SGCZ: variants seen among roughly 807,000 people sequenced by gnomAD.
SGCZ encodes sarcoglycan zeta, also known as zeta-sarcoglycan.
Under a neutral mutation model 41.3 loss-of-function variants are expected in SGCZ, and 40 were observed. The ratio of observed to expected loss-of-function variants is 0.97; its 90% confidence interval spans 0.75 to 1.26. The LOEUF (loss-of-function observed/expected upper bound fraction) is 1.26. Ranked by LOEUF, SGCZ falls within the 50% of genes most tolerant of loss-of-function variation. The probability of loss-of-function intolerance (pLI) is 0.00; values close to 1 mark genes in which losing one functional copy is unlikely to be tolerated. For synonymous variants in SGCZ, 206 were observed against 137.5 expected, an observed-to-expected ratio of 1.50 and a Z score of -3.49; for missense variants, 552 against 369.8, an observed-to-expected ratio of 1.49 and a Z score of -4.04.
chr8:14,890,634 G>A (rs1410783372), intron 1 of SGCZ, among the ~76,000 whole-genome samples: 1 of 152,210 alleles, frequency 6.6e-6, no homozygotes, highest in African/African-American at 2.4e-5. Context: ...ACTGCAGTAA[G>A]CTATCCAGAA....
chr8:14,899,902 C>A (rs774100677), intron 1 of SGCZ, among the ~76,000 whole-genome samples: 1 of 150,892 alleles, frequency 6.6e-6, no homozygotes, highest in Non-Finnish European at 1.5e-5. Flanking sequence ...AAACATTGTA[C>A]CAACAGCTAA....
intron 1 of SGCZ, among the ~76,000 whole-genome samples, chr8:14,866,594 G>C (rs559169777): frequency 6.6e-6 from 1 of 152,016 alleles, no homozygotes; most frequent in Non-Finnish European, 1.5e-5. Context: ...TAGATCGCTT[G>C]AGTCCAGGAG....
chr8:14,465,102 G>A (rs1801012481), intron 2 of SGCZ, among the ~76,000 whole-genome samples: 1 of 151,496 alleles, frequency 6.6e-6, no homozygotes, highest in Non-Finnish European at 1.5e-5. Context: ...CCAGTTTATT[G>A]CATTGTTCAT....
intron 1 of SGCZ, among the ~76,000 whole-genome samples, chr8:14,682,287 T>G (rs1446939667): frequency 6.6e-6 from 1 of 152,206 alleles, no homozygotes; most frequent in Non-Finnish European, 1.5e-5. Context: ...AATATAAGAT[T>G]ATACTTTGAG....
intron 2 of SGCZ, among the ~76,000 whole-genome samples, chr8:14,499,303 G>C (rs1802080948): frequency 6.6e-6 from 1 of 151,742 alleles, no homozygotes; most frequent in South Asian, 2.1e-4. Context: ...ATTGTTCCTT[G>C]TACATGTATT....
chr8:14,747,722 T>A (rs1399009027), intron 1 of SGCZ, among the ~76,000 whole-genome samples: 2 of 148,712 alleles, frequency 1.3e-5, no homozygotes. Flanking sequence ...TGTGTGTGTG[T>A]GTGTGTGTGT....
intron 1 of SGCZ, among the ~76,000 whole-genome samples, chr8:14,677,202 C>A (rs191818577): frequency 6.6e-6 from 1 of 151,910 alleles, no homozygotes; most frequent in East Asian, 1.9e-4. Context: ...AACACAGCAT[C>A]ATTTACATTA....
At chr8:14,872,208 A>C (rs1375749400) in intron 1 of SGCZ, among the ~76,000 whole-genome samples, 12 of 152,032 alleles carry the variant, frequency 7.9e-5, no homozygotes, top group Non-Finnish European at 1.6e-4. Context: ...TAGGAGAAAT[A>C]CCTAATGTAG....
intron 2 of SGCZ, among the ~76,000 whole-genome samples, chr8:14,404,089 T>C (rs1028936304): frequency 1.3e-5 from 2 of 151,882 alleles, no homozygotes; most frequent in African/African-American, 4.8e-5. Flanking sequence ...ATAGACAATA[T>C]GAGATTAGAG....
rs1002318620 is a variant in SGCZ, at chr8:14,211,513, G to C, written c.424+26079C>G. ...TGCTGTAAAGAAACACCTGAGACTG[G>C]GTAATTTATGAAGAAAAGCTTTAAC... On this transcript the variant is annotated intron_variant, in intron 4 of 7. Transcript: ENST00000382080. Among the ~76,000 whole-genome samples the C allele has an allele frequency of 2.6e-5, 4 of 152,060 alleles. No homozygotes were observed. In the South Asian group the frequency reaches 8.3e-4, roughly 32 times the overall value.
At chr8:14,566,280 T>C (rs1017985970) in intron 1 of SGCZ, among the ~76,000 whole-genome samples, 2 of 152,178 alleles carry the variant, frequency 1.3e-5, no homozygotes, top group African/African-American at 4.8e-5. Flanking sequence ...GCCCGAATAT[T>C]GATATAACAA....
chr8:14,455,024 C>T lies in SGCZ; in HGVS notation c.234+99708G>A, dbSNP rs574724820. 3.3e-4 allele frequency among the ~76,000 whole-genome samples: 50 copies of T among 152,222 alleles called. 1 individual carries two copies. Among genetic ancestry groups the T allele is most frequent in the African/African-American group, 1.2e-3 (48 of 41,558 alleles). On this transcript the variant is annotated intron_variant, in intron 2 of 7. Transcript: ENST00000382080. ...GAAGCAATCAAATAGAAGATTAACA[C>T]ATCTGACTACACAAATCTTTTAAAA...
chr8:14,233,089 A>G (rs1423132692), intron 4 of SGCZ, among the ~76,000 whole-genome samples: 1 of 151,896 alleles, frequency 6.6e-6, no homozygotes, highest in Non-Finnish European at 1.5e-5. Flanking sequence ...CGAACAAATA[A>G]ACAAACAAAA....
At chr8:14,232,602 T>C (rs1022305572) in intron 4 of SGCZ, among the ~76,000 whole-genome samples, 1 of 151,868 alleles carries the variant, frequency 6.6e-6, no homozygotes, top group Non-Finnish European at 1.5e-5. Flanking sequence ...TTTTTATTTT[T>C]TATTTTATTA....
intron 1 of SGCZ, among the ~76,000 whole-genome samples, chr8:15,148,043 T>C (rs1799083027): frequency 7.0e-6 from 1 of 142,882 alleles, no homozygotes; most frequent in Non-Finnish European, 1.5e-5. Context: ...CTTTTCATTC[T>C]CAGAAGGGCT....
chr8:14,405,550 T>C (rs958470987), intron 2 of SGCZ, among the ~76,000 whole-genome samples: 1 of 152,172 alleles, frequency 6.6e-6, no homozygotes, highest in African/African-American at 2.4e-5. Flanking sequence ...TAATATAGCC[T>C]TATGCCAAGA....
intron 1 of SGCZ, among the ~76,000 whole-genome samples, chr8:14,979,095 A>T (rs10090436): frequency 0.068 from 10,352 of 152,218 alleles, 499 homozygotes; most frequent in African/African-American, 0.12. Flanking sequence ...CACCACACTC[A>T]GCCAAGTTTA....
intron 1 of SGCZ, among the ~76,000 whole-genome samples, chr8:14,592,969 C>A (rs529647360): frequency 1.3e-5 from 2 of 152,066 alleles, no homozygotes; most frequent in Admixed American, 1.3e-4. Flanking sequence ...GTGAAACTAC[C>A]GCAATTGTTG....
At chr8:14,378,732 G>C (rs1379124470) in intron 2 of SGCZ, among the ~76,000 whole-genome samples, 2 of 152,282 alleles carry the variant, frequency 1.3e-5, no homozygotes, top group South Asian at 2.1e-4. Context: ...CCCTTAACTT[G>C]TGGGATCTGA....
Sources: allele counts gnomAD v4.1 joint callset (sites outside exome capture counted in the v4.1 genomes callset), GRCh38; gene constraint gnomAD v4.1.1; transcripts MANE v1.5; gene names NCBI Gene and HGNC (gene_info 2026-07-23, HGNC 2026-07-21).